The following PRDM2 variants were observed in gnomAD, a reference collection of about 807,000 sequenced individuals.
PRDM2 encodes the protein PR domain zinc finger protein 2.
Under a neutral mutation model 130.0 loss-of-function variants are expected in PRDM2, and 30 were observed. That is an observed-to-expected ratio of 0.23 (90% CI 0.17 to 0.31). The LOEUF (loss-of-function observed/expected upper bound fraction) is 0.31, where lower values mean the gene tolerates loss of function less well. Among genes scored for constraint, PRDM2 ranks in the 10% least tolerant of loss-of-function variants. PRDM2 has a pLI of 1.00. For synonymous variants in PRDM2, 871 were observed against 782.4 expected (o/e 1.11, Z -1.89); for missense variants, 2,011 against 2,108.4 (o/e 0.95, Z 0.90).
chr1:13,819,421 C>T (rs930862414), intron 9 of PRDM2, among the ~76,000 whole-genome samples: 4 of 152,184 alleles, frequency 2.6e-5, no homozygotes, highest in African/African-American at 9.7e-5. Flanking sequence ...ATCTTGTGAT[C>T]TCTGTTTGCT....
intron 2 of PRDM2, among the ~76,000 whole-genome samples, chr1:13,729,481 A>G (rs1433034091): frequency 2.6e-5 from 4 of 152,216 alleles, no homozygotes; most frequent in South Asian, 2.1e-4. Flanking sequence ...TAGGATGCCA[A>G]TGCCAACTAC....
intron 9 of PRDM2, among the ~76,000 whole-genome samples, chr1:13,817,722 G>A (rs1174781975): frequency 2.6e-5 from 4 of 152,116 alleles, no homozygotes; most frequent in South Asian, 2.1e-4. Context: ...GAGTTCAGCC[G>A]GGCGCGGTCG....
At chr1:13,750,979 C>G (rs1643816374) in intron 6 of PRDM2, among the ~76,000 whole-genome samples, 2 of 152,162 alleles carry the variant, frequency 1.3e-5, no homozygotes, top group African/African-American at 4.8e-5. Flanking sequence ...ACCCTCTTTA[C>G]TGTGCCACTA....
In PRDM2 at chr1:13,749,397, A is replaced by T. The variant is rs1173170387; in HGVS notation, c.421A>T (p.Asn141Tyr). ...GGGCGAGGAGCTCCTGGTCTGGTAC[A>T]ATGGGGAAGACAACCCTGAGATAGC... ...APGEELLVWY[N>Y]GEDNPEIAAA... Residue 141 changes from asparagine (N) to tyrosine (Y), a missense_variant, in exon 6 of 10, where the codon AAT becomes TAT. By Grantham distance (143) the Asn-to-Tyr change is moderately radical. This residue lies in a region of PRDM2 where 1,288 missense variants were observed against 1,237.7 expected (regional missense o/e 1.04). Coordinates refer to ENST00000311066, the MANE Select transcript of PRDM2 (RefSeq NM_001393986.1). The T allele has an allele frequency of 6.7e-7, 1 of 1,499,392 alleles. No individual in the cohort carries two copies. The highest frequency in any genetic ancestry group is 1.1e-5 in the South Asian group (1 of 87,944). 92.9% of individuals were successfully genotyped at this position (1,499,392 alleles called of 1,614,324 possible).
chr1:13,804,556 G>A (rs1324575873), intron 8 of PRDM2, among the ~76,000 whole-genome samples: 2 of 152,112 alleles, frequency 1.3e-5, no homozygotes, highest in African/African-American at 2.4e-5. Context: ...ACTTGGAGTG[G>A]GTGGGAGCTG....
At chr1:13,767,239 T>TA (rs146584339) in intron 6 of PRDM2, among the ~76,000 whole-genome samples, 3 of 150,924 alleles carry the variant, frequency 2.0e-5, no homozygotes, top group East Asian at 1.9e-4. Context: ...AAAATAGAAA[T>TA]AAAAAAAAGC....
intron 6 of PRDM2, among the ~76,000 whole-genome samples, chr1:13,759,787 T>C (rs1383788968): frequency 6.6e-6 from 1 of 152,208 alleles, no homozygotes; most frequent in African/African-American, 2.4e-5. Context: ...CTGTAATTTT[T>C]GTAGGATTAG....
intron 8 of PRDM2, among the ~76,000 whole-genome samples, chr1:13,790,025 TAACAA>T (rs1220750577): frequency 1.3e-5 from 2 of 152,088 alleles, no homozygotes; most frequent in Non-Finnish European, 2.9e-5. Context: ...CTGCTAGACT[TAACAA>T]AACGGGGAGC....
chr1:13,796,906 G>A (rs1044878608), intron 8 of PRDM2, among the ~76,000 whole-genome samples: 2 of 152,156 alleles, frequency 1.3e-5, no homozygotes, highest in Admixed American at 6.5e-5. Context: ...CAAAACACGA[G>A]TTAAAGAAAT....
chr1:13,789,055 G>A (rs1198349008), intron 8 of PRDM2, among the ~76,000 whole-genome samples: 3 of 152,128 alleles, frequency 2.0e-5, no homozygotes, highest in Non-Finnish European at 4.4e-5. Context: ...TGATGGCTCG[G>A]TCTCCACAGT....
At chr1:13,766,898 C>A (rs1389853574) in intron 6 of PRDM2, among the ~76,000 whole-genome samples, 1 of 152,226 alleles carries the variant, frequency 6.6e-6, no homozygotes, top group South Asian at 2.1e-4. Context: ...ATTTTGCATT[C>A]TCTCTACTGC....
At chr1:13,749,107 T>A (rs1252535958) in intron 5 of PRDM2, among the ~76,000 whole-genome samples, 1 of 152,082 alleles carries the variant, frequency 6.6e-6, no homozygotes, top group African/African-American at 2.4e-5. Context: ...GCACCCGGGC[T>A]CCGCTACCCG....
Position 13,709,860 on chromosome 1 carries a change from T to C in PRDM2, c.-65-5681T>C, listed in dbSNP as rs983155119. The stretch of plus-strand genomic sequence containing the variant: ...AATTTTTTGTAACTTAAAATAATTA[T>C]AAAATAGTATAAGTGACCTCTATGT... On this transcript the variant is annotated intron_variant, in intron 1 of 9. Coordinates refer to ENST00000311066, the MANE Select transcript of PRDM2 (RefSeq NM_001393986.1). Among the ~76,000 whole-genome samples the C allele has an allele frequency of 2.6e-5, 4 of 152,256 alleles. No homozygotes were observed. In the East Asian group the frequency reaches 7.7e-4, roughly 29 times the overall value.
chr1:13,723,225 C>T (rs1430454171), intron 2 of PRDM2, among the ~76,000 whole-genome samples: 2 of 152,200 alleles, frequency 1.3e-5, no homozygotes, highest in African/African-American at 4.8e-5. Context: ...AGGCCTCCCC[C>T]TGCCATCCTA....
chr1:13,724,877 G>A (rs980654355), intron 2 of PRDM2, among the ~76,000 whole-genome samples: 4 of 152,178 alleles, frequency 2.6e-5, no homozygotes, highest in Admixed American at 2.6e-4. Flanking sequence ...TAGTTGTAAC[G>A]CTTGTAGTTT....
intron 3 of PRDM2, among the ~76,000 whole-genome samples, chr1:13,731,947 G>A (rs1382420917): frequency 6.6e-6 from 1 of 152,164 alleles, no homozygotes; most frequent in Non-Finnish European, 1.5e-5. Context: ...ACTGATTGTT[G>A]ACTTACATAG....
intron 7 of PRDM2, among the ~76,000 whole-genome samples, chr1:13,775,147 A>G (rs1450944506): frequency 2.6e-5 from 4 of 152,316 alleles, no homozygotes; most frequent in East Asian, 1.9e-4. Context: ...TTTATGTTCA[A>G]AACTCCAGAG....
In PRDM2 at chr1:13,782,636, G is replaced by A. The variant is rs141703001; in HGVS notation, c.4841G>A (p.Arg1614Lys). The change falls in exon 8 of 10, where the codon AGG (arginine) becomes AAG (lysine). Residue 1614 changes from arginine to lysine, a missense_variant. Physicochemically the swap from Arg to Lys is conservative, Grantham distance 26. Coordinates refer to ENST00000311066, the MANE Select transcript of PRDM2 (RefSeq NM_001393986.1). Reference protein sequence around the residue: ...SSKTSRSLHVRVQKSKAVLQS... With the variant: ...SSKTSRSLHVKVQKSKAVLQS... Reference sequence around the variant, plus strand: ...AAAACATCACGGAGCCTGCACGTGAGGGTACAGAAAAGCAAAGCTGTTTTA... The same window carrying A: ...AAAACATCACGGAGCCTGCACGTGAAGGTACAGAAAAGCAAAGCTGTTTTA... 77 of 1,614,066 alleles carry A rather than the reference G, an allele frequency of 4.8e-5. No homozygotes were observed. The highest frequency in any genetic ancestry group is 6.5e-5 in the Non-Finnish European group (77 of 1,180,052).
intron 8 of PRDM2, among the ~76,000 whole-genome samples, chr1:13,810,113 C>T (rs1331907059): frequency 6.6e-6 from 1 of 151,924 alleles, no homozygotes; most frequent in African/African-American, 2.4e-5. Flanking sequence ...GGGGTTAGGG[C>T]TTCAGCATAT....
Sources: allele counts gnomAD v4.1 joint callset (sites outside exome capture counted in the v4.1 genomes callset), GRCh38; gene constraint gnomAD v4.1.1; regional missense constraint gnomAD v4.1.1; transcripts MANE v1.5; gene names NCBI Gene and HGNC (gene_info 2026-07-23, HGNC 2026-07-21).